Variants in SHANK2 observed in about 807,000 individuals in gnomAD.
The protein encoded by SHANK2 is SH3 and multiple ankyrin repeat domains 2, also known as SH3 and multiple ankyrin repeat domains protein 2.
In SHANK2, 43 loss-of-function variants were observed where a neutral mutation model predicts 133.7. The ratio of observed to expected loss-of-function variants is 0.32; its 90% CI spans 0.25 to 0.41. The LOEUF (loss-of-function observed/expected upper bound fraction) is 0.41, where lower values mean the gene tolerates loss of function less well. Among genes scored for constraint, SHANK2 ranks in the 10% least tolerant of loss-of-function variants. The pLI is 1.00. For synonymous variants in SHANK2, 1,017 were observed against 952.8 expected (o/e 1.07, Z -1.24); for missense variants, 1,994 against 2,235.8 (o/e 0.89, Z 2.18).
At chr11:71,176,109 C>T (rs1953438960) in intron 2 of SHANK2, among the ~76,000 whole-genome samples, 1 of 152,174 alleles carries the variant, frequency 6.6e-6, no homozygotes, top group African/African-American at 2.4e-5. Flanking sequence ...ATTCATGGGG[C>T]AGTGAACATA....
At chr11:70,611,178 A>G (rs1349845600) in intron 17 of SHANK2, among the ~76,000 whole-genome samples, 1 of 152,234 alleles carries the variant, frequency 6.6e-6, no homozygotes, top group African/African-American at 2.4e-5. Context: ...AGGTTCTCAG[A>G]TTTAAGCGCA....
intron 17 of SHANK2, among the ~76,000 whole-genome samples, chr11:70,533,855 T>C (rs2135989378): frequency 6.6e-6 from 1 of 152,290 alleles, no homozygotes; most frequent in East Asian, 1.9e-4. Context: ...AAAATGGAAC[T>C]GTGCACCATG....
intron 14 of SHANK2, among the ~76,000 whole-genome samples, chr11:70,755,842 T>A (rs1555038771): frequency 6.6e-6 from 1 of 152,206 alleles, no homozygotes; most frequent in African/African-American, 2.4e-5. Flanking sequence ...GGGGCCATCG[T>A]AGGGCCACTT....
intron 11 of SHANK2, among the ~76,000 whole-genome samples, chr11:70,887,696 G>A (rs1392544066): frequency 6.6e-6 from 1 of 152,146 alleles, no homozygotes; most frequent in Non-Finnish European, 1.5e-5. Flanking sequence ...ACTTTTTAAA[G>A]GAAAACATCC....
Position 70,833,178 on chromosome 11 carries a change from C to T in SHANK2, c.1175-12496G>A, listed in dbSNP as rs569268556. 2.6e-3 allele frequency among the ~76,000 whole-genome samples: 390 copies of T among 152,390 alleles called. 1 individual carries two copies. Among genetic ancestry groups the T allele is most frequent in the Non-Finnish European group, 3.8e-3 (260 of 68,034 alleles). On this transcript the variant is annotated intron_variant, in intron 11 of 25. Transcript: ENST00000601538. ...CTCACAGAAGCCGGCGAGTGTGGCA[C>T]GGGGCTCCAGCACAATGTCAAGCTC...
At chr11:70,909,903 C>T (rs573399338) in intron 10 of SHANK2, among the ~76,000 whole-genome samples, 12 of 152,312 alleles carry the variant, frequency 7.9e-5, no homozygotes, top group South Asian at 2.1e-4. Flanking sequence ...CACCACAGAC[C>T]GGGCTGCTTA....
chr11:70,906,910 G>A (rs3020092), intron 10 of SHANK2, among the ~76,000 whole-genome samples: 41,389 of 152,124 alleles, frequency 0.27, 7,196 homozygotes, highest in African/African-American at 0.49. Flanking sequence ...GGCCTATGTC[G>A]TTCCAGAACA....
chr11:70,469,048 G>A lies in SHANK2; in HGVS notation c.*3821C>T, dbSNP rs2135640008. 6.6e-6 allele frequency: 1 copy of A among 152,344 alleles called. No individual in the cohort carries two copies. Among genetic ancestry groups the A allele is most frequent in the South Asian group, 2.1e-4 (1 of 4,822 alleles). The allele number at this position is 152,344 out of a possible 1,614,324, so 9.4% of individuals were successfully genotyped here. A position where few individuals can be genotyped will look rare whatever the true frequency, so the allele number is the denominator to read the frequency against. ...TATGGCTAGAAGACACCCTGCTGGG[G>A]TGTGGGGAGACTGGACCCTAAGGGA... On this transcript the variant is annotated 3_prime_UTR_variant, in exon 26 of 26. Coordinates refer to ENST00000601538, the MANE Select transcript of SHANK2 (RefSeq NM_012309.5).
intron 10 of SHANK2, among the ~76,000 whole-genome samples, chr11:70,939,458 A>G (rs1950615619): frequency 6.6e-6 from 1 of 152,160 alleles, no homozygotes; most frequent in African/African-American, 2.4e-5. Context: ...AGCCTGGGCA[A>G]CAGAGTGAGA....
chr11:71,120,569 C>T (rs1211198791), intron 3 of SHANK2, among the ~76,000 whole-genome samples: 1 of 152,154 alleles, frequency 6.6e-6, no homozygotes, highest in Admixed American at 6.6e-5. Flanking sequence ...ACCCTGTGCA[C>T]AAAAGCTCCT....
chr11:70,662,209 A>C, intron 15 of SHANK2: 1 of 241,296 alleles, frequency 4.1e-6, no homozygotes, highest in Non-Finnish European at 8.2e-6. Flanking sequence ...ATAAAATCAA[A>C]TCCTATCTGC....
Position 70,804,769 on chromosome 11 carries a change from C to T in SHANK2, c.1663+2233G>A, listed in dbSNP as rs1241679366. ...AAGGTGTGAGATGTGGATTCGCCTGCCATGTCCCAGGACCCCTGCGAGTCC... is the reference window on the plus strand; with the variant it reads ...AAGGTGTGAGATGTGGATTCGCCTGTCATGTCCCAGGACCCCTGCGAGTCC... On this transcript the variant is annotated intron_variant, in intron 13 of 25. Coordinates refer to ENST00000601538, the MANE Select transcript of SHANK2 (RefSeq NM_012309.5). This position sits in a 1 kb window ranked among gnomAD's most constrained non-coding sequence, Gnocchi z 4.1. Among the ~76,000 whole-genome samples, 1 of 152,174 alleles carries T rather than the reference C, an allele frequency of 6.6e-6. No individual in the cohort carries two copies. The highest frequency in any genetic ancestry group is 2.4e-5 in the African/African-American group (1 of 41,448).
At chr11:70,610,377 T>A (rs1554993835) in intron 17 of SHANK2, among the ~76,000 whole-genome samples, 1 of 151,938 alleles carries the variant, frequency 6.6e-6, no homozygotes, top group South Asian at 2.1e-4. Flanking sequence ...TATTGCCTGG[T>A]TTTATGAGTC....
At chr11:70,731,476 G>A (rs1240220809) in intron 14 of SHANK2, among the ~76,000 whole-genome samples, 1 of 152,188 alleles carries the variant, frequency 6.6e-6, no homozygotes, top group Non-Finnish European at 1.5e-5. Flanking sequence ...CTAATTCTGG[G>A]CATTTCACAG....
intron 17 of SHANK2, among the ~76,000 whole-genome samples, chr11:70,645,285 A>G (rs2061244778): frequency 6.6e-6 from 1 of 152,156 alleles, no homozygotes; most frequent in Non-Finnish European, 1.5e-5. Context: ...CACAAGCTTC[A>G]TCCTGCTCAA....
At chr11:70,724,181 G>A (rs1555029980) in intron 14 of SHANK2, among the ~76,000 whole-genome samples, 1 of 151,920 alleles carries the variant, frequency 6.6e-6, no homozygotes, top group African/African-American at 2.4e-5. Context: ...GATTACAGGT[G>A]CACACCACCA....
intron 2 of SHANK2, among the ~76,000 whole-genome samples, chr11:71,218,271 T>C (rs1555120386): frequency 6.8e-6 from 1 of 147,498 alleles, no homozygotes; most frequent in Admixed American, 6.7e-5. Context: ...CTTTTTTTTT[T>C]TTTTTTTTTT....
intron 17 of SHANK2, among the ~76,000 whole-genome samples, chr11:70,550,445 C>T (rs879993147): frequency 7.3e-5 from 11 of 151,608 alleles, no homozygotes; most frequent in Non-Finnish European, 1.5e-4. Context: ...GCAAATGCTG[C>T]GTTCTACACC....
At chr11:70,848,604 A>G (rs1949035528) in intron 11 of SHANK2, among the ~76,000 whole-genome samples, 1 of 152,210 alleles carries the variant, frequency 6.6e-6, no homozygotes, top group African/African-American at 2.4e-5. Context: ...AGGGTCCAGG[A>G]AGGAAGTAAA....
Sources: allele counts gnomAD v4.1 joint callset (sites outside exome capture counted in the v4.1 genomes callset), GRCh38; gene constraint gnomAD v4.1.1; non-coding constraint Gnocchi (gnomAD v3.1); transcripts MANE v1.5; gene names NCBI Gene and HGNC (gene_info 2026-07-23, HGNC 2026-07-21).